ETS1: variants seen among roughly 807,000 people sequenced by gnomAD.
The protein encoded by ETS1 is ETS proto-oncogene 1, transcription factor, also known as protein C-ets-1.
A neutral mutation model predicts 58.6 loss-of-function variants in ETS1; 15 were observed. The observed-to-expected ratio is 0.26, with a 90% CI of 0.17 to 0.39. ETS1 has a LOEUF of 0.39. Among genes scored for constraint, ETS1 ranks in the 10% least tolerant of loss-of-function variants. The pLI is 1.00. For synonymous variants in ETS1, 214 were observed against 218.2 expected (o/e 0.98, Z 0.17); for missense variants, 417 against 610.5 (o/e 0.68, Z 3.34).
intron 3 of ETS1, among the ~76,000 whole-genome samples, chr11:128,529,796 T>A (rs1242292279): frequency 6.6e-6 from 1 of 152,208 alleles, no homozygotes; most frequent in East Asian, 1.9e-4. Flanking sequence ...ATGCCTATCT[T>A]ACCTTAGGCA....
intron 4 of ETS1, 132 bp downstream of exon 4, chr11:128,490,325 G>A: frequency 1.2e-6 from 1 of 850,404 alleles, no homozygotes; most frequent in South Asian, 1.7e-5. Flanking sequence ...CCTAACAGAT[G>A]GCAGCCATGG....
At chr11:128,524,336 A>G (rs188924090) in intron 3 of ETS1, among the ~76,000 whole-genome samples, 1 of 152,326 alleles carries the variant, frequency 6.6e-6, no homozygotes, top group Non-Finnish European at 1.5e-5. Flanking sequence ...AAACAAAATG[A>G]GTGAATGTCC....
intron 2 of ETS1, among the ~76,000 whole-genome samples, chr11:128,569,315 C>CTTGTTTTTTTTTTTTTTTTTTT (rs1864572866): frequency 2.8e-5 from 1 of 35,136 alleles, no homozygotes; most frequent in Non-Finnish European, 6.1e-5. Flanking sequence ...GACAGAGTTT[C>CTTGTTTTTTTTTTTTTTTTTTT]TTCTTTTTTT....
At chr11:128,542,371 A>T (rs372683001) in intron 3 of ETS1, among the ~76,000 whole-genome samples, 2 of 152,154 alleles carry the variant, frequency 1.3e-5, no homozygotes, top group African/African-American at 4.8e-5. Flanking sequence ...GGAAGAGAAG[A>T]GGGAGGAAGA....
At chr11:128,569,700 T>A (rs1350723696) in intron 2 of ETS1, among the ~76,000 whole-genome samples, 1 of 152,176 alleles carries the variant, frequency 6.6e-6, no homozygotes, top group Non-Finnish European at 1.5e-5. Context: ...CCAATAAGTG[T>A]TATTTACTTC....
intron 3 of ETS1, among the ~76,000 whole-genome samples, chr11:128,539,612 A>G (rs1278303962): frequency 6.6e-6 from 1 of 152,244 alleles, no homozygotes; most frequent in Non-Finnish European, 1.5e-5. Flanking sequence ...TAGAGTTACC[A>G]TACGACCCAG....
intron 8 of ETS1, among the ~76,000 whole-genome samples, chr11:128,476,410 G>C (rs1043015345): frequency 4.6e-5 from 7 of 152,224 alleles, no homozygotes; most frequent in African/African-American, 1.4e-4. Flanking sequence ...CTAATATGAA[G>C]AAAAGATTTT....
At chr11:128,465,210 T>C (rs958860447) in intron 8 of ETS1, among the ~76,000 whole-genome samples, 1 of 152,194 alleles carries the variant, frequency 6.6e-6, no homozygotes, top group African/African-American at 2.4e-5. Context: ...TAGCTCTACC[T>C]CCTCTTTCTG....
chr11:128,569,389 G>GA (rs1169463777), intron 2 of ETS1, among the ~76,000 whole-genome samples: 1 of 139,222 alleles, frequency 7.2e-6, no homozygotes, highest in Non-Finnish European at 1.5e-5. Context: ...CAGGTAGGAG[G>GA]ACTTGGATTA....
chr11:128,480,501 G>GA (rs367685769), intron 7 of ETS1, 50 bp from the exon 8 acceptor site: 138,168 of 861,246 alleles, frequency 0.16, 1 homozygote, highest in South Asian at 0.24. Flanking sequence ...GAGGGAGTGG[G>GA]AAAAAAAAAA....
intron 3 of ETS1, among the ~76,000 whole-genome samples, chr11:128,495,466 C>A (rs536868674): frequency 7.2e-5 from 11 of 152,294 alleles, no homozygotes; most frequent in African/African-American, 2.6e-4. Flanking sequence ...CTTTTCTTTT[C>A]CTGGCACTCA....
At chr11:128,497,585 T>C (rs1217100667) in intron 3 of ETS1, 1 of 984,930 alleles carries the variant, frequency 1.0e-6, no homozygotes, top group Non-Finnish European at 1.2e-6. Context: ...GGCTCACACA[T>C]GGTTCCAATG....
intron 1 of ETS1, among the ~76,000 whole-genome samples, chr11:128,577,799 A>G (rs776874659): frequency 2.6e-5 from 4 of 152,148 alleles, no homozygotes; most frequent in Non-Finnish European, 5.9e-5. Flanking sequence ...AAATCTTCAG[A>G]TGCCACAGTT....
rs556604773 is a variant in ETS1 at position 128,528,464 on chromosome 11, C to T, written c.214+27827G>A. ...TTCCCTCACAGAAGCTGTCACCCCA[C>T]CCCTGCAAGTTGCCACTTTTCTGCT... On this transcript the variant is annotated intron_variant, in intron 3 of 9. Coordinates refer to ENST00000392668, the MANE Select transcript of ETS1 (RefSeq NM_001143820.2). Among the ~76,000 whole-genome samples the T allele has an allele frequency of 9.2e-5, 14 of 152,272 alleles. No individual in the cohort carries two copies. The South Asian group carries it at 1.9e-3, about 20-fold the overall frequency.
rs1864311483 is a variant in ETS1 at position 128,556,301 on chromosome 11, G to C, written c.204C>G (p.His68Gln). The change falls in exon 3 of 10, where the codon CAC (histidine) becomes CAG (glutamine). Residue 68 changes from histidine to glutamine, a missense_variant. By Grantham distance (24) the His-to-Gln change is conservative (BLOSUM62 0). Transcript: ENST00000392668. ...ATQEVPTGLEHCVSDMECADV... is the reference protein window; with the variant it reads ...ATQEVPTGLEQCVSDMECADV... ...TGTTTATGTTCCTACCTGAGACACAGTGTTCAAGACCAGTAGGAACTTCCT... is the reference window on the plus strand; with the variant it reads ...TGTTTATGTTCCTACCTGAGACACACTGTTCAAGACCAGTAGGAACTTCCT... 13 of 1,610,128 alleles carry C rather than the reference G, an allele frequency of 8.1e-6. No homozygotes were observed. The highest frequency in any genetic ancestry group is 1.1e-5 in the Non-Finnish European group (13 of 1,178,492).
chr11:128,582,300 A>G (rs1353522094), intron 1 of ETS1, among the ~76,000 whole-genome samples: 2 of 152,222 alleles, frequency 1.3e-5, no homozygotes, highest in Non-Finnish European at 2.9e-5. Context: ...TTCCTCAACT[A>G]TAAAATGCAG....
chr11:128,581,737 C>T (rs55781052), intron 1 of ETS1, among the ~76,000 whole-genome samples: 27,098 of 152,086 alleles, frequency 0.18, 3,184 homozygotes, highest in Non-Finnish European at 0.26. Flanking sequence ...TCTGAAGAGA[C>T]TAGCATTTTA....
At chr11:128,503,796 GAC>G (rs1297639465) in intron 3 of ETS1, among the ~76,000 whole-genome samples, 1 of 152,184 alleles carries the variant, frequency 6.6e-6, no homozygotes, top group African/African-American at 2.4e-5. Flanking sequence ...AAGGCAGAGA[GAC>G]ACACATTCTT....
chr11:128,489,423 C>T lies in ETS1; in HGVS notation c.402G>A (p.Leu134=). ...AGAACTTCTGGAAGTCTACACCTTT[C>T]AGGCTGAATTCATTCACAGCCCACA... ...WVMWAVNEFS[L]KGVDFQKFCM... Residue 134 remains leucine (L), a synonymous_variant, in exon 5 of 10, where the codon CTG becomes CTA. Transcript: ENST00000392668. 2 of 1,614,182 alleles carry T rather than the reference C, an allele frequency of 1.2e-6. No homozygotes were observed. Among genetic ancestry groups the T allele is most frequent in the East Asian group, 2.2e-5 (1 of 44,886 alleles).
Sources: gnomAD v4.1 joint callset for allele counts (sites outside exome capture counted in the v4.1 genomes callset) on GRCh38, gnomAD v4.1.1 for gene constraint, MANE v1.5 for transcripts, NCBI Gene and HGNC (gene_info 2026-07-23, HGNC 2026-07-21) for gene names.